CREB5: variants seen among roughly 807,000 people sequenced by gnomAD.
CREB5 encodes the protein cyclic AMP-responsive element-binding protein 5.
A neutral mutation model predicts 57.1 loss-of-function variants in CREB5; 19 were observed. The observed-to-expected ratio is 0.33, with a 90% CI of 0.23 to 0.49. The LOEUF is 0.49. Among genes scored for constraint, CREB5 ranks in the 20% least tolerant of loss-of-function variants. CREB5 has a pLI of 0.99. For synonymous variants in CREB5, 238 were observed against 238.3 expected (o/e 1.00, Z 0.01); for missense variants, 579 against 671.6 (o/e 0.86, Z 1.52).
chr7:28,777,923 G>T (rs1488816042), intron 7 of CREB5, among the ~76,000 whole-genome samples: 1 of 152,086 alleles, frequency 6.6e-6, no homozygotes, highest in Non-Finnish European at 1.5e-5. Flanking sequence ...ATTTTCTTTT[G>T]GTCTTTTGTC....
intron 1 of CREB5, among the ~76,000 whole-genome samples, chr7:28,387,507 T>C (rs1787132830): frequency 6.6e-6 from 1 of 152,126 alleles, no homozygotes; most frequent in South Asian, 2.1e-4. Flanking sequence ...ATTGCAAAAA[T>C]TTTCTTCCAT....
At chr7:28,371,592 C>A (rs1308662394) in intron 1 of CREB5, among the ~76,000 whole-genome samples, 2 of 152,100 alleles carry the variant, frequency 1.3e-5, no homozygotes, top group African/African-American at 4.8e-5. Flanking sequence ...CTGCGGGCAG[C>A]ACCACCATGG....
Position 28,425,774 on chromosome 7 carries a change from T to C in CREB5, c.3+12857T>C, listed in dbSNP as rs190634446. Reference sequence around the variant, plus strand: ...CCTCAGTCTTACAGCATTTATCATATGTATCTCCAGCTTGCACCTCTCTCC... The same window carrying C: ...CCTCAGTCTTACAGCATTTATCATACGTATCTCCAGCTTGCACCTCTCTCC... On this transcript the variant is annotated intron_variant, in intron 1 of 10. Transcript: ENST00000357727. Among the ~76,000 whole-genome samples, 10 of 152,344 alleles carry C rather than the reference T, an allele frequency of 6.6e-5. No individual in the cohort carries two copies. The East Asian group carries it at 1.9e-3, about 29-fold the overall frequency.
intron 1 of CREB5, among the ~76,000 whole-genome samples, chr7:28,390,790 T>C (rs144060391): frequency 2.9e-4 from 44 of 152,282 alleles, no homozygotes; most frequent in African/African-American, 6.7e-4. Context: ...ATTTTCTTGA[T>C]GCTCTGAAGG....
chr7:28,462,150 A>G (rs1790375566), intron 1 of CREB5, among the ~76,000 whole-genome samples: 1 of 152,156 alleles, frequency 6.6e-6, no homozygotes, highest in Admixed American at 6.5e-5. Context: ...GTCATTTTAT[A>G]TAAATGGAAT....
At chr7:28,583,315 C>T (rs1310099032) in intron 5 of CREB5, among the ~76,000 whole-genome samples, 1 of 152,134 alleles carries the variant, frequency 6.6e-6, no homozygotes, top group Non-Finnish European at 1.5e-5. Flanking sequence ...TCCGGGAGAA[C>T]CAGTGATGCC....
chr7:28,477,233 G>A (rs970738706), intron 1 of CREB5, among the ~76,000 whole-genome samples: 4 of 152,226 alleles, frequency 2.6e-5, no homozygotes, highest in Non-Finnish European at 4.4e-5. Context: ...ATCAAGGGCA[G>A]CCACAATTTC....
intron 5 of CREB5, among the ~76,000 whole-genome samples, chr7:28,647,871 G>A (rs558034600): frequency 5.2e-4 from 79 of 152,064 alleles, no homozygotes; most frequent in African/African-American, 1.7e-3. Context: ...TCTTGAGCCC[G>A]GGAGTTCAAG....
At chr7:28,577,932 A>G (rs1795964645) in intron 5 of CREB5, among the ~76,000 whole-genome samples, 1 of 152,190 alleles carries the variant, frequency 6.6e-6, no homozygotes, top group South Asian at 2.1e-4. Flanking sequence ...ACAGTGGCTT[A>G]TTTTCGGAGC....
chr7:28,777,933 C>T (rs1806757135), intron 7 of CREB5, among the ~76,000 whole-genome samples: 1 of 152,146 alleles, frequency 6.6e-6, no homozygotes, highest in Non-Finnish European at 1.5e-5. Context: ...GGTCTTTTGT[C>T]TATGCATACG....
chr7:28,818,738 T>C, intron 10 of CREB5: 1 of 462,854 alleles, frequency 2.2e-6, no homozygotes, highest in Non-Finnish European at 4.3e-6. Flanking sequence ...TGAAGGTCAA[T>C]TTATTTTCAA....
chr7:28,688,237 A>T (rs190976826), intron 5 of CREB5, among the ~76,000 whole-genome samples: 8 of 152,338 alleles, frequency 5.3e-5, no homozygotes, highest in African/African-American at 1.9e-4. Flanking sequence ...AGGAGACCTC[A>T]ATGAGATAAA....
chr7:28,709,841 A>C (rs1189550907), intron 5 of CREB5, among the ~76,000 whole-genome samples: 1 of 152,266 alleles, frequency 6.6e-6, no homozygotes, highest in Non-Finnish European at 1.5e-5. Context: ...ATAATGATCC[A>C]AAAGTGCCCT....
At chr7:28,410,181 C>A, upstream of CREB5, 2 of 446,564 alleles carry the variant, frequency 4.5e-6, no homozygotes, top group Non-Finnish European at 9.0e-6. Context: ...GGGAGGTCGC[C>A]CTCGGAGGGC....
At chr7:28,516,109 G>A (rs1448748311) in intron 4 of CREB5, among the ~76,000 whole-genome samples, 1 of 152,054 alleles carries the variant, frequency 6.6e-6, no homozygotes, top group Non-Finnish European at 1.5e-5. Context: ...AGCTGCTTGG[G>A]AGGCTGAGGC....
At chr7:28,348,849 G>T (rs936819726) in intron 1 of CREB5, among the ~76,000 whole-genome samples, 1 of 152,218 alleles carries the variant, frequency 6.6e-6, no homozygotes, top group Non-Finnish European at 1.5e-5. Context: ...GTGTGTGCCA[G>T]CCTCTCAGGC....
chr7:28,708,715 G>T (rs561949407), intron 5 of CREB5, among the ~76,000 whole-genome samples: 7 of 152,184 alleles, frequency 4.6e-5, no homozygotes, highest in Non-Finnish European at 1.0e-4. Flanking sequence ...GCTAGGTGTG[G>T]ATTCCACCAC....
intron 4 of CREB5, among the ~76,000 whole-genome samples, chr7:28,568,038 G>A (rs1033586094): frequency 5.3e-5 from 8 of 152,178 alleles, no homozygotes; most frequent in Admixed American, 5.2e-4. Flanking sequence ...AGAAGCCAGA[G>A]TGCATGAAGG....
rs1368785869 is a variant in CREB5, at chr7:28,560,993, T to C, written c.292-9372T>C. Among the ~76,000 whole-genome samples the C allele has an allele frequency of 5.6e-3, 242 of 42,890 alleles. 16 individuals are homozygous for C. The highest frequency in any genetic ancestry group is 0.012 in the South Asian group (9 of 782). 28.1% of individuals were successfully genotyped at this position (42,890 alleles called of 152,430 possible). ...GTGTGCGTGTGTGCGTGCGTGTGTG[T>C]GCCTGCGTGTGCGTGTGTGTGTGCG... On this transcript the variant is annotated intron_variant, in intron 4 of 10. Coordinates refer to ENST00000357727, the MANE Select transcript of CREB5 (RefSeq NM_182898.4).
Sources: allele counts gnomAD v4.1 joint callset (sites outside exome capture counted in the v4.1 genomes callset), GRCh38; gene constraint gnomAD v4.1.1; transcripts MANE v1.5; gene names NCBI Gene and HGNC (gene_info 2026-07-23, HGNC 2026-07-21).